The following DLC1 variants were observed in gnomAD, a reference collection of about 807,000 sequenced individuals.
The protein encoded by DLC1 is DLC1 Rho GTPase activating protein.
Under a neutral mutation model 140.3 loss-of-function variants are expected in DLC1, and 54 were observed. The ratio of observed to expected loss-of-function variants is 0.38; its 90% confidence interval spans 0.31 to 0.48. DLC1 has a LOEUF of 0.48. DLC1 is among the 20% of genes least tolerant of loss of function. The pLI is 0.96. For missense variants in DLC1, 2,536 were observed against 1,907.0 expected (o/e 1.33, Z -6.14); for synonymous variants, 986 against 728.1 (o/e 1.35, Z -5.70).
intron 2 of DLC1, among the ~76,000 whole-genome samples, chr8:13,476,163 C>T (rs1277780430): frequency 6.6e-6 from 1 of 152,150 alleles, no homozygotes; most frequent in Admixed American, 6.5e-5. Context: ...ATAAGAAGTG[C>T]TTATAATACT....
At chr8:13,258,311 A>T (rs567214088) in intron 5 of DLC1, among the ~76,000 whole-genome samples, 2 of 152,350 alleles carry the variant, frequency 1.3e-5, no homozygotes, top group South Asian at 4.1e-4. Flanking sequence ...TCTTGAAGTA[A>T]TAGATCAACA....
rs373983543 is a variant in DLC1 at position 13,414,919 on chromosome 8, T to A, written c.1024-13300A>T. Among the ~76,000 whole-genome samples, 38 of 152,208 alleles carry A rather than the reference T, an allele frequency of 2.5e-4. 1 individual carries two copies. In the East Asian group the frequency reaches 5.6e-3, roughly 23 times the overall value. ...TCCACCTCCCAGGTTCAAGCGATATTCCTGCCTCAGCCTCCTGAGTAGCTG... is the reference window on the plus strand; with the variant it reads ...TCCACCTCCCAGGTTCAAGCGATATACCTGCCTCAGCCTCCTGAGTAGCTG... On this transcript the variant is annotated intron_variant, in intron 2 of 17. Coordinates refer to ENST00000276297, the MANE Select transcript of DLC1 (RefSeq NM_182643.3).
intron 4 of DLC1, among the ~76,000 whole-genome samples, chr8:13,342,963 T>A (rs1288993005): frequency 6.6e-6 from 1 of 152,138 alleles, no homozygotes; most frequent in Non-Finnish European, 1.5e-5. Context: ...TCAGACTGTC[T>A]TTTGTGTGAC....
intron 4 of DLC1, among the ~76,000 whole-genome samples, chr8:13,375,939 A>G (rs1453484852): frequency 1.3e-5 from 2 of 152,162 alleles, no homozygotes; most frequent in African/African-American, 4.8e-5. Flanking sequence ...ATCAAGGAAT[A>G]AGGAGATCTA....
At chr8:13,365,519 C>G (rs541097213) in intron 4 of DLC1, among the ~76,000 whole-genome samples, 1 of 152,086 alleles carries the variant, frequency 6.6e-6, no homozygotes. Context: ...CCTGTGAATG[C>G]GTTGGAGGGA....
chr8:13,192,780 G>A (rs1445284364), intron 5 of DLC1, among the ~76,000 whole-genome samples: 1 of 152,194 alleles, frequency 6.6e-6, no homozygotes, highest in Non-Finnish European at 1.5e-5. Flanking sequence ...GACACCAACG[G>A]TGCACAAAGG....
At chr8:13,340,808 G>C (rs567906272) in intron 4 of DLC1, 1 of 152,192 alleles carries the variant, frequency 6.6e-6, no homozygotes, top group Non-Finnish European at 1.5e-5. Flanking sequence ...TTTCACAAAA[G>C]AGTAAAATAT....
chr8:13,597,607 G>C (rs540118446), intron 1 of DLC1, among the ~76,000 whole-genome samples: 1 of 152,012 alleles, frequency 6.6e-6, no homozygotes, highest in Non-Finnish European at 1.5e-5. Flanking sequence ...TGTAATGTGT[G>C]TGTATATATC....
intron 1 of DLC1, among the ~76,000 whole-genome samples, chr8:13,580,818 T>C (rs923368585): frequency 1.3e-5 from 2 of 152,186 alleles, no homozygotes; most frequent in Admixed American, 6.5e-5. Context: ...TTTACTATGC[T>C]CATAATCAGG....
At chr8:13,366,375 T>G (rs1729177) in intron 4 of DLC1, among the ~76,000 whole-genome samples, 106,916 of 152,050 alleles carry the variant, frequency 0.7, 38,322 homozygotes, top group East Asian at 0.84. Flanking sequence ...AGATGGACAC[T>G]GTCCATGGCC....
chr8:13,443,599 A>G (rs1252342067), intron 2 of DLC1, among the ~76,000 whole-genome samples: 2 of 148,200 alleles, frequency 1.3e-5, no homozygotes, highest in South Asian at 4.3e-4. Flanking sequence ...CGGAGCTTGC[A>G]GTGAGCCAAG....
intron 2 of DLC1, among the ~76,000 whole-genome samples, chr8:13,447,829 T>C (rs1798852035): frequency 6.6e-6 from 1 of 152,188 alleles, no homozygotes; most frequent in Admixed American, 6.5e-5. Flanking sequence ...TAAATTAGTT[T>C]TCCTGAGTTT....
chr8:13,546,822 G>A (rs981152089), intron 1 of DLC1, among the ~76,000 whole-genome samples: 8 of 151,944 alleles, frequency 5.3e-5, no homozygotes, highest in Admixed American at 1.3e-4. Context: ...CATCAATCAC[G>A]GTTTCTGTCA....
intron 11 of DLC1, 53 bp from the exon 12 acceptor site, chr8:13,095,010 T>C: frequency 6.2e-7 from 1 of 1,613,888 alleles, no homozygotes; most frequent in Non-Finnish European, 8.5e-7. Context: ...ACGCAGTGTT[T>C]ACACCACACA....
At chr8:13,198,336 A>G (rs17186859) in intron 5 of DLC1, among the ~76,000 whole-genome samples, 67,971 of 151,902 alleles carry the variant, frequency 0.45, 15,911 homozygotes, top group East Asian at 0.84. Flanking sequence ...AATTGGTACC[A>G]TTTACAAAGG....
chr8:13,288,324 G>T (rs1016399468), intron 5 of DLC1, among the ~76,000 whole-genome samples: 11 of 152,298 alleles, frequency 7.2e-5, no homozygotes, highest in African/African-American at 2.2e-4. Flanking sequence ...GGATTAATAA[G>T]AATTAGTATT....
chr8:13,443,991 T>C (rs984465221), intron 2 of DLC1, among the ~76,000 whole-genome samples: 1 of 152,178 alleles, frequency 6.6e-6, no homozygotes. Context: ...GTATGAATCA[T>C]GGCCATGATG....
At chr8:13,152,010 G>T (rs1823855110) in intron 5 of DLC1, among the ~76,000 whole-genome samples, 1 of 152,128 alleles carries the variant, frequency 6.6e-6, no homozygotes, top group Non-Finnish European at 1.5e-5. Flanking sequence ...ATCTATTGCT[G>T]TGTCATATTA....
At chr8:13,593,485 C>T (rs577212950) in intron 1 of DLC1, among the ~76,000 whole-genome samples, 4 of 152,100 alleles carry the variant, frequency 2.6e-5, no homozygotes, top group East Asian at 1.9e-4. Flanking sequence ...ATTCAATTCA[C>T]GCTTCTCCAA....
Sources: allele counts gnomAD v4.1 joint callset (sites outside exome capture counted in the v4.1 genomes callset), GRCh38; gene constraint gnomAD v4.1.1; transcripts MANE v1.5; gene names NCBI Gene and HGNC (gene_info 2026-07-23, HGNC 2026-07-21).